CAB39L: variants seen among roughly 807,000 people sequenced by gnomAD.
CAB39L encodes calcium-binding protein 39-like.
CAB39L carries 23 observed loss-of-function variants against 39.1 expected under a neutral mutation model. That is an observed-to-expected ratio of 0.59 (90% confidence interval 0.42 to 0.83). The LOEUF (loss-of-function observed/expected upper bound fraction) is 0.83, where lower values mean the gene tolerates loss of function less well. CAB39L is among the 40% of genes least tolerant of loss of function. CAB39L has a pLI of 0.00. For missense variants in CAB39L, 366 were observed against 391.9 expected, an observed-to-expected ratio of 0.93 and a Z score of 0.56; for synonymous variants, 126 against 137.2, an observed-to-expected ratio of 0.92 and a Z score of 0.57.
chr13:49,331,983 AC>A lies in CAB39L; in HGVS notation c.797del (p.Ser266IlefsTer30). 5 of 1,614,084 alleles carry A rather than the reference AC, an allele frequency of 3.1e-6. No individual in the cohort carries two copies. The highest frequency in any genetic ancestry group is 4.2e-6 in the Non-Finnish European group (5 of 1,179,996). The part of the protein sequence containing the change: ...KLMMNLLRDK[S>X]PNIQFEAFHV... Reference sequence around the variant, plus strand: ...GAAAGGCTTCAAACTGGATGTTGGGACTTTTATCCCGAAGGAGGTTCATCAT... The same window carrying A: ...GAAAGGCTTCAAACTGGATGTTGGGATTTTATCCCGAAGGAGGTTCATCAT... On this transcript the variant is annotated frameshift_variant, in exon 10 of 11. Transcript: ENST00000409308. LOFTEE classifies it high-confidence loss of function.
Position 49,441,141 on chromosome 13 carries a change from C to T in CAB39L, c.-246+2845G>A, listed in dbSNP as rs1003360878. Among the ~76,000 whole-genome samples the T allele has an allele frequency of 2.0e-5, 3 of 148,878 alleles. No individual in the cohort carries two copies. In the South Asian group the frequency reaches 6.3e-4, roughly 31 times the overall value. On this transcript the variant is annotated intron_variant, in intron 1 of 10. Transcript: ENST00000409308. ...ATTGTCATTTTCATCTGCTTTGTGG[C>T]CACATTTTTGGGGTATGTTTTCATA...
intron 10 of CAB39L, among the ~76,000 whole-genome samples, chr13:49,331,481 A>G (rs1368420430): frequency 2.0e-5 from 3 of 152,080 alleles, no homozygotes; most frequent in Admixed American, 6.6e-5. Flanking sequence ...AAAAAACAAA[A>G]AACAAAAAAA....
At chr13:49,338,737 G>A (rs1217169110) in intron 9 of CAB39L, among the ~76,000 whole-genome samples, 1 of 152,118 alleles carries the variant, frequency 6.6e-6, no homozygotes, top group Non-Finnish European at 1.5e-5. Context: ...GTTTGTTAGA[G>A]GTGATTTTTA....
intron 10 of CAB39L, among the ~76,000 whole-genome samples, chr13:49,317,746 C>A (rs570448248): frequency 1.8e-4 from 27 of 151,376 alleles, no homozygotes; most frequent in African/African-American, 6.3e-4. Flanking sequence ...AAAATACAAG[C>A]AATGAAAGAA....
In CAB39L at chr13:49,359,709, C is replaced by A. The variant is rs1424500664; in HGVS notation, c.395+5G>T. 1 of 1,507,798 alleles carries A rather than the reference C, an allele frequency of 6.6e-7. No homozygotes were observed. The highest frequency in any genetic ancestry group is 2.3e-5 in the East Asian group (1 of 44,092). The allele number at this position is 1,507,798 out of a possible 1,614,324, so 93.4% of individuals were successfully genotyped here. A position where few individuals can be genotyped will look rare whatever the true frequency, so the allele number is the denominator to read the frequency against. The stretch of plus-strand genomic sequence containing the variant: ...GCCCTACTTGAAAGGAAGCCATGTA[C>A]CTACCCTTTGAGGAGCATAAACAGG... On this transcript the variant is annotated splice_donor_5th_base_variant and intron_variant, in intron 6 of 10. Transcript: ENST00000409308.
At chr13:49,384,003 T>TA (rs947401049) in intron 3 of CAB39L, among the ~76,000 whole-genome samples, 2 of 152,204 alleles carry the variant, frequency 1.3e-5, no homozygotes, top group Admixed American at 6.5e-5. Flanking sequence ...GGCGATTTCT[T>TA]AAAAGAAGAC....
At chr13:49,331,306 T>TA (rs776223590) in intron 10 of CAB39L, among the ~76,000 whole-genome samples, 60 of 147,932 alleles carry the variant, frequency 4.1e-4, no homozygotes, top group Non-Finnish European at 6.9e-4. Context: ...TTACTAAAAA[T>TA]AAAAAAAAAA....
intron 1 of CAB39L, among the ~76,000 whole-genome samples, chr13:49,440,746 GT>G (rs1312210427): frequency 6.8e-6 from 1 of 147,186 alleles, no homozygotes; most frequent in Non-Finnish European, 1.5e-5. Flanking sequence ...GTGTGTGTGT[GT>G]GTGTGTGTGT....
intron 6 of CAB39L, among the ~76,000 whole-genome samples, chr13:49,353,346 CAA>C (rs1955407395): frequency 2.0e-5 from 3 of 152,140 alleles, no homozygotes; most frequent in South Asian, 4.1e-4. Flanking sequence ...ATAGAGTACT[CAA>C]GAGAGTATAA....
intron 5 of CAB39L, among the ~76,000 whole-genome samples, chr13:49,372,397 T>C (rs1033189660): frequency 2.0e-5 from 3 of 152,178 alleles, no homozygotes; most frequent in Non-Finnish European, 4.4e-5. Context: ...CCTCCAGTAT[T>C]GTCCCTACCC....
rs777940622 is a variant in CAB39L at position 49,329,534 on chromosome 13, T to TA, written c.834+2412dup. Among the ~76,000 whole-genome samples, 66 of 17,374 alleles carry TA rather than the reference T, an allele frequency of 3.8e-3. 3 individuals are homozygous for TA. Among genetic ancestry groups the TA allele is most frequent in the Admixed American group, 5.7e-3 (8 of 1,398 alleles). 11.4% of individuals were successfully genotyped at this position (17,374 alleles called of 152,430 possible). On this transcript the variant is annotated intron_variant, in intron 10 of 10. Transcript: ENST00000409308. ...ACCTTGTCCTACATATCTCTTCAAT[T>TA]AAAAAAAAAAATATATATATATATA...
intron 3 of CAB39L, among the ~76,000 whole-genome samples, chr13:49,419,769 G>A (rs140899783): frequency 3.9e-5 from 6 of 152,048 alleles, no homozygotes; most frequent in African/African-American, 7.2e-5. Flanking sequence ...AACTTTAACC[G>A]GGATTTTATG....
intron 5 of CAB39L, among the ~76,000 whole-genome samples, chr13:49,372,872 A>C (rs1349304487): frequency 1.3e-5 from 2 of 151,906 alleles, no homozygotes; most frequent in Non-Finnish European, 2.9e-5. Flanking sequence ...ATGAGGTTTC[A>C]CCGTGTTAGC....
chr13:49,415,733 T>G (rs1374403218), intron 3 of CAB39L, among the ~76,000 whole-genome samples: 1 of 152,178 alleles, frequency 6.6e-6, no homozygotes, highest in Non-Finnish European at 1.5e-5. Flanking sequence ...GTGAGCTTTG[T>G]GAGGGCAGGA....
chr13:49,396,778 A>C (rs947543100), intron 3 of CAB39L, among the ~76,000 whole-genome samples: 2 of 152,192 alleles, frequency 1.3e-5, no homozygotes, highest in Non-Finnish European at 2.9e-5. Flanking sequence ...AATAGGATTC[A>C]CAGATAGAAA....
rs137934795 is a variant in CAB39L, at chr13:49,366,361, T to G, written c.277-6529A>C. Reference sequence around the variant, plus strand: ...CTACCTACTATGTACCCACAAAAATTAAAAAGAAAAAAAGAGAAAAAAGAA... The same window carrying G: ...CTACCTACTATGTACCCACAAAAATGAAAAAGAAAAAAAGAGAAAAAAGAA... On this transcript the variant is annotated intron_variant, in intron 5 of 10. Coordinates refer to ENST00000409308, the MANE Select transcript of CAB39L (RefSeq NM_001079670.3). Among the ~76,000 whole-genome samples the G allele has an allele frequency of 4.2e-3, 632 of 150,748 alleles. 2 individuals are homozygous for G. Among genetic ancestry groups the G allele is most frequent in the African/African-American group, 9.7e-3 (398 of 41,046 alleles).
At chr13:49,405,207 G>A (rs1005329221) in intron 3 of CAB39L, among the ~76,000 whole-genome samples, 1 of 151,984 alleles carries the variant, frequency 6.6e-6, no homozygotes, top group Non-Finnish European at 1.5e-5. Context: ...AACATATAAA[G>A]GAGCCCCAAC....
chr13:49,329,544 AATATATATATAT>A (rs1179579885), intron 10 of CAB39L, among the ~76,000 whole-genome samples: 713 of 33,660 alleles, frequency 0.021, 28 homozygotes, highest in Non-Finnish European at 0.026. Context: ...TAAAAAAAAA[AATATATATATAT>A]ATATATATAT....
chr13:49,348,005 C>G (rs908503534), intron 7 of CAB39L, among the ~76,000 whole-genome samples: 2 of 152,066 alleles, frequency 1.3e-5, no homozygotes, highest in Non-Finnish European at 2.9e-5. Context: ...CCTTTTCTGT[C>G]TACCCAGACC....
Sources: gnomAD v4.1 joint callset for allele counts (sites outside exome capture counted in the v4.1 genomes callset) on GRCh38, gnomAD v4.1.1 for gene constraint, MANE v1.5 for transcripts, NCBI Gene and HGNC (gene_info 2026-07-23, HGNC 2026-07-21) for gene names.